The following STOX2 variants were observed in gnomAD, a reference collection of about 807,000 sequenced individuals.
The protein encoded by STOX2 is storkhead-box protein 2.
A neutral mutation model predicts 60.9 loss-of-function variants in STOX2; 28 were observed. The observed-to-expected ratio is 0.46, with a 90% CI of 0.34 to 0.63. STOX2 has a LOEUF of 0.63. STOX2 is among the 30% of genes least tolerant of loss of function. The pLI is 0.01. For synonymous variants in STOX2, 472 were observed against 463.9 expected, an observed-to-expected ratio of 1.02 and a Z score of -0.22; for missense variants, 1,024 against 1,187.7, an observed-to-expected ratio of 0.86 and a Z score of 2.03.
intron 1 of STOX2, among the ~76,000 whole-genome samples, chr4:183,958,440 G>A (rs1395709570): frequency 6.6e-6 from 1 of 152,068 alleles, no homozygotes; most frequent in African/African-American, 2.4e-5. Flanking sequence ...ACCACCCTCT[G>A]TGGTTGGCTT....
At position 183,951,153 on chromosome 4, in the gene STOX2, T is replaced by G. The variant is rs374039255; in HGVS notation, c.166+44197T>G. ...ATGGGTGAACCCGGGAGGTGGAGCT[T>G]GCAGTGAGCCGAGATCGCGCCACTG... On this transcript the variant is annotated intron_variant, in intron 1 of 3. Transcript: ENST00000308497. 2.3e-3 allele frequency among the ~76,000 whole-genome samples: 343 copies of G among 148,322 alleles called. 2 individuals carry two copies. Among genetic ancestry groups the G allele is most frequent in the African/African-American group, 8.2e-3 (330 of 40,054 alleles).
chr4:183,896,164 C>T (rs116400916), intron 1 of STOX2, among the ~76,000 whole-genome samples: 9 of 152,096 alleles, frequency 5.9e-5, no homozygotes, highest in Non-Finnish European at 1.2e-4. Context: ...GGAGAAAATG[C>T]GAGAACTTGG....
chr4:183,807,097 CG>C, intron 1 of STOX2, among the ~76,000 whole-genome samples: 1 of 152,228 alleles, frequency 6.6e-6, no homozygotes, highest in South Asian at 2.1e-4. Context: ...TTCAGCCTCC[CG>C]AGTAGCTGGG....
chr4:183,802,907 C>T (rs1400771402), intron 1 of STOX2, among the ~76,000 whole-genome samples: 2 of 152,154 alleles, frequency 1.3e-5, no homozygotes, highest in Non-Finnish European at 2.9e-5. Context: ...AGGCGTGAGC[C>T]ACCGCACCCG....
At chr4:183,807,725 A>AG (rs1244582099) in intron 1 of STOX2, among the ~76,000 whole-genome samples, 1 of 152,240 alleles carries the variant, frequency 6.6e-6, no homozygotes, top group East Asian at 1.9e-4. Context: ...TAGGCAGGTG[A>AG]GGGCCCAGGG....
At chr4:183,853,314 C>G (rs949453200) in intron 1 of STOX2, 3 of 152,190 alleles carry the variant, frequency 2.0e-5, no homozygotes, top group African/African-American at 7.2e-5. Flanking sequence ...CAGGGCCCAG[C>G]CCCGTGGGTC....
In STOX2 at chr4:183,856,654, T is replaced by G. The variant is rs1471360897; in HGVS notation, c.364+58599T>G. On this transcript the variant is annotated intron_variant, in intron 1 of 2. Coordinates refer to the STOX2 transcript ENST00000513034. The surrounding 1 kb of genome is among the most constrained non-coding windows in gnomAD (Gnocchi z 4.0). ...GAACATCGCTTTGCAGTTAGCTGTC[T>G]CGGACTCGGACCCCGGGGGATGATA... is the stretch of plus-strand genomic sequence containing the variant. 6.6e-6 allele frequency among the ~76,000 whole-genome samples: 1 copy of G among 152,142 alleles called. No individual in the cohort carries two copies. Among genetic ancestry groups the G allele is most frequent in the African/African-American group, 2.4e-5 (1 of 41,430 alleles).
At chr4:183,914,604 A>T (rs537366850) in intron 1 of STOX2, among the ~76,000 whole-genome samples, 1 of 152,308 alleles carries the variant, frequency 6.6e-6, no homozygotes, top group Non-Finnish European at 1.5e-5. Context: ...TGAACAATAA[A>T]GGCGTATAAG....
intron 1 of STOX2, among the ~76,000 whole-genome samples, chr4:183,953,726 C>T (rs934504988): frequency 1.2e-4 from 19 of 152,008 alleles, no homozygotes; most frequent in Non-Finnish European, 2.2e-4. Context: ...CCACCATGCC[C>T]AGCTAATTTT....
intron 1 of STOX2, among the ~76,000 whole-genome samples, chr4:183,890,458 G>C (rs962060878): frequency 8.1e-6 from 1 of 123,164 alleles, no homozygotes; most frequent in African/African-American, 2.9e-5. Flanking sequence ...ACTCCAGCCT[G>C]GGCAACAGAG....
At chr4:183,923,406 G>C (rs1742155786) in intron 1 of STOX2, among the ~76,000 whole-genome samples, 1 of 152,218 alleles carries the variant, frequency 6.6e-6, no homozygotes, top group South Asian at 2.1e-4. Context: ...TCTCTGAGAA[G>C]TTAGAAGAAA....
At chr4:183,841,214 T>G (rs1309136190) in intron 1 of STOX2, among the ~76,000 whole-genome samples, 1 of 151,234 alleles carries the variant, frequency 6.6e-6, no homozygotes, top group Non-Finnish European at 1.5e-5. Flanking sequence ...TATTTATTTA[T>G]TTATTTATAG....
intron 1 of STOX2, among the ~76,000 whole-genome samples, chr4:183,986,199 T>C (rs1732836142): frequency 6.6e-6 from 1 of 152,236 alleles, no homozygotes; most frequent in Non-Finnish European, 1.5e-5. Flanking sequence ...AGTCATAATT[T>C]CTAATATCCA....
chr4:183,893,762 T>TA (rs550235485), intron 1 of STOX2, among the ~76,000 whole-genome samples: 122 of 152,104 alleles, frequency 8.0e-4, no homozygotes, highest in African/African-American at 2.2e-3. Context: ...AACTGTAACT[T>TA]AAAAAAAAAC....
At chr4:183,890,536 A>AGGAAGGAGGGGGGGAGGGAGGGAG (rs1741184404) in intron 1 of STOX2, among the ~76,000 whole-genome samples, 1 of 122,524 alleles carries the variant, frequency 8.2e-6, no homozygotes. Context: ...AAAGGAGGGA[A>AGGAAGGAGGGGGGGAGGGAGGGAG]GGAAGGAGAG....
intron 1 of STOX2, among the ~76,000 whole-genome samples, chr4:183,805,600 G>A (rs1738872146): frequency 6.6e-6 from 1 of 152,166 alleles, no homozygotes; most frequent in Non-Finnish European, 1.5e-5. Context: ...TGGAGCCCAG[G>A]AGTTCTGGAC....
In STOX2 at chr4:183,912,707, A is replaced by G. The variant is rs534961247; in HGVS notation, c.166+5751A>G. Among the ~76,000 whole-genome samples the G allele has an allele frequency of 3.3e-5, 5 of 152,248 alleles. No individual in the cohort carries two copies. The East Asian group carries it at 9.7e-4, about 29-fold the overall frequency. On this transcript the variant is annotated intron_variant, in intron 1 of 3. Coordinates refer to ENST00000308497, the MANE Select transcript of STOX2 (RefSeq NM_020225.3). ...GTGTGTCTCCGGTCTGGATGGTGAA[A>G]TCCTCACTGATAGTACCTGCCTTAT...
chr4:183,928,170 G>A (rs980259387), intron 1 of STOX2, among the ~76,000 whole-genome samples: 2 of 152,066 alleles, frequency 1.3e-5, no homozygotes, highest in African/African-American at 4.8e-5. Context: ...TAGGTCATCT[G>A]TTTTAAGTTC....
At chr4:183,799,434 G>T (rs1466829298) in intron 1 of STOX2, among the ~76,000 whole-genome samples, 2 of 152,226 alleles carry the variant, frequency 1.3e-5, no homozygotes, top group Non-Finnish European at 2.9e-5. Flanking sequence ...GATATACGTA[G>T]TCATTTATAT....
Sources: allele counts gnomAD v4.1 joint callset (sites outside exome capture counted in the v4.1 genomes callset), GRCh38; gene constraint gnomAD v4.1.1; non-coding constraint Gnocchi (gnomAD v3.1); transcripts MANE v1.5; gene names NCBI Gene and HGNC (gene_info 2026-07-23, HGNC 2026-07-21).